The following THSD7B variants were observed in gnomAD, a reference collection of about 807,000 sequenced individuals.
THSD7B encodes thrombospondin type-1 domain-containing protein 7B.
A neutral mutation model predicts 213.6 loss-of-function variants in THSD7B; 138 were observed. That is an observed-to-expected ratio of 0.65 (90% confidence interval 0.56 to 0.74). The LOEUF (loss-of-function observed/expected upper bound fraction) is 0.74, where lower values mean the gene tolerates loss of function less well. Among genes scored for constraint, THSD7B ranks in the 30% least tolerant of loss-of-function variants. The pLI is 0.00. For missense variants in THSD7B, 1,931 were observed against 1,991.5 expected, an observed-to-expected ratio of 0.97 and a Z score of 0.58; for synonymous variants, 742 against 687.0, an observed-to-expected ratio of 1.08 and a Z score of -1.25.
chr2:136,937,153 A>T (rs1684748884), intron 2 of THSD7B, among the ~76,000 whole-genome samples: 1 of 151,706 alleles, frequency 6.6e-6, no homozygotes, highest in Non-Finnish European at 1.5e-5. Context: ...CCACAAATCG[A>T]CTTTCGATAT....
chr2:137,138,265 TGGATAATA>T lies in THSD7B; in HGVS notation c.1370-21946_1370-21939del, dbSNP rs150520447. Among the ~76,000 whole-genome samples, 44 of 152,262 alleles carry T rather than the reference TGGATAATA, an allele frequency of 2.9e-4. No individual in the cohort carries two copies. The East Asian group carries it at 7.7e-3, about 27-fold the overall frequency. On this transcript the variant is annotated intron_variant, in intron 5 of 27. Transcript: ENST00000409968. ...AGTAAGTAATTGAGAGTGAAATCAC[TGGATAATA>T]GTTTGATAGGATTTCTGGAATATAT...
intron 7 of THSD7B, among the ~76,000 whole-genome samples, chr2:137,182,009 T>G (rs1680465150): frequency 6.6e-6 from 1 of 152,166 alleles, no homozygotes; most frequent in South Asian, 2.1e-4. Flanking sequence ...TAAAATAAGA[T>G]CAGGCTGCAA....
intron 12 of THSD7B, among the ~76,000 whole-genome samples, chr2:137,350,616 G>C (rs1456583428): frequency 6.6e-6 from 1 of 151,754 alleles, no homozygotes; most frequent in Non-Finnish European, 1.5e-5. Context: ...TTAGATTTAT[G>C]TCTGAAAGAG....
chr2:136,850,165 A>C (rs933701406), intron 1 of THSD7B, among the ~76,000 whole-genome samples: 7 of 152,148 alleles, frequency 4.6e-5, no homozygotes, highest in Admixed American at 1.3e-4. Context: ...TTCTTCACTT[A>C]ATCTTATGTG....
At chr2:137,250,603 G>A (rs1165029949) in intron 10 of THSD7B, among the ~76,000 whole-genome samples, 1 of 152,182 alleles carries the variant, frequency 6.6e-6, no homozygotes, top group Non-Finnish European at 1.5e-5. Context: ...AATATTTGCT[G>A]AATGATCCTG....
chr2:137,625,833 C>T (rs1682616770), intron 20 of THSD7B, among the ~76,000 whole-genome samples: 1 of 152,242 alleles, frequency 6.6e-6, no homozygotes, highest in African/African-American at 2.4e-5. Context: ...CAGCTCCACT[C>T]CTGTGGCATA....
intron 1 of THSD7B, among the ~76,000 whole-genome samples, chr2:136,775,632 A>T (rs1681587454): frequency 6.6e-6 from 1 of 152,162 alleles, no homozygotes; most frequent in South Asian, 2.1e-4. Flanking sequence ...ATAAAAGTGT[A>T]TTCACGTATG....
chr2:137,010,646 G>A (rs1686214714), intron 2 of THSD7B, among the ~76,000 whole-genome samples: 1 of 152,174 alleles, frequency 6.6e-6, no homozygotes, highest in Non-Finnish European at 1.5e-5. Context: ...AGAAATGCAA[G>A]TGTTTTCTAG....
chr2:137,327,586 G>A (rs2104888024), intron 12 of THSD7B, among the ~76,000 whole-genome samples: 1 of 151,158 alleles, frequency 6.6e-6, no homozygotes, highest in East Asian at 1.9e-4. Flanking sequence ...TCCCCATCTT[G>A]CTTTCTCTTC....
chr2:137,331,802 G>C (rs978634989), intron 12 of THSD7B, among the ~76,000 whole-genome samples: 7 of 152,180 alleles, frequency 4.6e-5, no homozygotes, highest in African/African-American at 1.7e-4. Context: ...GCGCTCGTGG[G>C]CTGGTACTGC....
intron 2 of THSD7B, among the ~76,000 whole-genome samples, chr2:137,012,364 G>T (rs1215954448): frequency 6.6e-6 from 1 of 152,158 alleles, no homozygotes; most frequent in Non-Finnish European, 1.5e-5. Context: ...TTATGCAAAA[G>T]ATGGTTACAT....
chr2:137,572,451 C>A lies in THSD7B; in HGVS notation c.3318C>A (p.Asn1106Lys), dbSNP rs200478098. The A allele has an allele frequency of 6.2e-7, 1 of 1,613,902 alleles. No homozygotes were observed. The highest frequency in any genetic ancestry group is 8.5e-7 in the Non-Finnish European group (1 of 1,179,848). The change falls in exon 17 of 28, where the codon AAC becomes AAA. Residue 1106 changes from asparagine to lysine, a missense_variant. Coordinates refer to ENST00000409968, the MANE Select transcript of THSD7B (RefSeq NM_001316349.2). ...ADGEGGAVDS[N>K]LCNQDEIPPE... is the part of the protein sequence containing the mutation. ...GTGAAGGTGGAGCAGTGGATAGCAA[C>A]CTGTGCAACCAGGATGAAATTCCCC...
intron 15 of THSD7B, among the ~76,000 whole-genome samples, chr2:137,476,436 G>A (rs560427804): frequency 2.0e-5 from 3 of 151,980 alleles, no homozygotes; most frequent in Admixed American, 2.0e-4. Flanking sequence ...TCTCATAGTG[G>A]TTTCATAGTT....
intron 12 of THSD7B, among the ~76,000 whole-genome samples, chr2:137,321,112 C>G (rs925141797): frequency 1.3e-5 from 2 of 152,172 alleles, no homozygotes; most frequent in African/African-American, 4.8e-5. Context: ...GAAGTCAGCC[C>G]ATATTTATCC....
chr2:137,217,382 A>G (rs1014162371), intron 7 of THSD7B, among the ~76,000 whole-genome samples: 5 of 152,212 alleles, frequency 3.3e-5, no homozygotes, highest in Admixed American at 2.0e-4. Flanking sequence ...CACATAGTGA[A>G]CACTTACTGT....
At chr2:136,769,023 C>G (rs1681458495) in intron 1 of THSD7B, among the ~76,000 whole-genome samples, 1 of 152,174 alleles carries the variant, frequency 6.6e-6, no homozygotes, top group Non-Finnish European at 1.5e-5. Flanking sequence ...TTTAACAGAT[C>G]TAAAATCACA....
rs541810526 is a variant in THSD7B, at chr2:137,165,935, A to G, written c.1526-4806A>G. ...AGTCATCGTGTTATTGCTCTGGTAC[A>G]TTTCCTTTGTTCACATTAAGAAAAA... On this transcript the variant is annotated intron_variant, in intron 6 of 27. Coordinates refer to ENST00000409968, the MANE Select transcript of THSD7B (RefSeq NM_001316349.2). Among the ~76,000 whole-genome samples, 7 of 152,228 alleles carry G rather than the reference A, an allele frequency of 4.6e-5. No homozygotes were observed. In the South Asian group the frequency reaches 1.2e-3, roughly 27 times the overall value.
At chr2:137,366,226 C>T (rs1685403948) in intron 12 of THSD7B, among the ~76,000 whole-genome samples, 1 of 152,034 alleles carries the variant, frequency 6.6e-6, no homozygotes, top group African/African-American at 2.4e-5. Context: ...GAACATCACA[C>T]ACTGGAGCCT....
At chr2:137,253,363 T>C (rs187171428) in intron 10 of THSD7B, among the ~76,000 whole-genome samples, 15 of 152,330 alleles carry the variant, frequency 9.8e-5, no homozygotes, top group Non-Finnish European at 5.9e-5. Context: ...TACTATGCTG[T>C]CTTAGTTTAT....
Sources: allele counts gnomAD v4.1 joint callset (sites outside exome capture counted in the v4.1 genomes callset), GRCh38; gene constraint gnomAD v4.1.1; transcripts MANE v1.5; gene names NCBI Gene and HGNC (gene_info 2026-07-23, HGNC 2026-07-21).